The following ANKRD6 variants were observed in gnomAD, a reference collection of about 807,000 sequenced individuals.
ANKRD6 encodes ankyrin repeat domain-containing protein 6.
A neutral mutation model predicts 82.3 loss-of-function variants in ANKRD6; 56 were observed. That is an observed-to-expected ratio of 0.68 (90% CI 0.55 to 0.85). The LOEUF is 0.85. Among genes scored for constraint, ANKRD6 ranks in the 40% least tolerant of loss-of-function variants. The pLI is 0.00. For synonymous variants in ANKRD6, 347 were observed against 352.1 expected (o/e 0.99, Z 0.16); for missense variants, 852 against 907.6 (o/e 0.94, Z 0.79).
At chr6:89,565,475 A>T (rs1788304489) in intron 1 of ANKRD6, 1 of 152,236 alleles carries the variant, frequency 6.6e-6, no homozygotes, top group Non-Finnish European at 1.5e-5. Flanking sequence ...CTTTCACATA[A>T]TAAAATACCC....
chr6:89,488,673 G>T (rs528695983), intron 1 of ANKRD6, among the ~76,000 whole-genome samples: 1 of 152,178 alleles, frequency 6.6e-6, no homozygotes, highest in East Asian at 1.9e-4. Flanking sequence ...ATAATTATTG[G>T]CATTCCAAAA....
At chr6:89,484,200 G>A (rs1349640504) in intron 1 of ANKRD6, among the ~76,000 whole-genome samples, 4 of 152,122 alleles carry the variant, frequency 2.6e-5, no homozygotes, top group Non-Finnish European at 4.4e-5. Context: ...GAGCCACCGC[G>A]GCCGGCCAAG....
chr6:89,487,278 C>G (rs1237871287), intron 1 of ANKRD6, among the ~76,000 whole-genome samples: 2 of 152,186 alleles, frequency 1.3e-5, no homozygotes, highest in African/African-American at 2.4e-5. Flanking sequence ...ATCGTCTTAT[C>G]AGCACCAGCA....
At position 89,572,816 on chromosome 6, in the gene ANKRD6, C is replaced by G. The variant is rs184959355; in HGVS notation, c.120+5720C>G. Among the ~76,000 whole-genome samples, 23 of 152,284 alleles carry G rather than the reference C, an allele frequency of 1.5e-4. 1 individual carries two copies. The South Asian group carries it at 3.3e-3, about 22-fold the overall frequency. On this transcript the variant is annotated intron_variant, in intron 2 of 15. Coordinates refer to ENST00000339746, the MANE Select transcript of ANKRD6 (RefSeq NM_001242809.2). ...CGGTCTTGGTATCTTTGCTGAAGAT[C>G]ATTTGACCATATACATGAAGGTTTA...
chr6:89,560,038 GA>G (rs1787171476), intron 1 of ANKRD6, among the ~76,000 whole-genome samples: 1 of 152,142 alleles, frequency 6.6e-6, no homozygotes, highest in Admixed American at 6.5e-5. Flanking sequence ...CCGGCACCAT[GA>G]TAGGCTCTGG....
intron 1 of ANKRD6, among the ~76,000 whole-genome samples, chr6:89,496,293 C>G (rs544270395): frequency 1.3e-5 from 2 of 151,964 alleles, no homozygotes; most frequent in Admixed American, 6.6e-5. Flanking sequence ...TAGGGTACGC[C>G]GTAAGTGAGG....
intron 13 of ANKRD6, among the ~76,000 whole-genome samples, chr6:89,626,855 A>G (rs184937721): frequency 2.0e-5 from 3 of 152,220 alleles, no homozygotes; most frequent in East Asian, 1.9e-4. Context: ...TTCCTTCTAC[A>G]CTCTTCTTAC....
In ANKRD6 at chr6:89,630,943, A is replaced by G; in HGVS notation, c.2123A>G (p.His708Arg). 6.2e-7 allele frequency: 1 copy of G among 1,603,014 alleles called. No individual in the cohort carries two copies. Among genetic ancestry groups the G allele is most frequent in the Non-Finnish European group, 8.5e-7 (1 of 1,174,826 alleles). Residue 708 changes from histidine to arginine, a missense_variant, in exon 16 of 16, where the codon CAC becomes CGC. Transcript: ENST00000339746. Reference sequence around the variant, plus strand: ...CAAGATAAGGCTACATTGAAGGAACACATTAAAAGTTTAGAAGAGGAACTT... The same window carrying G: ...CAAGATAAGGCTACATTGAAGGAACGCATTAAAAGTTTAGAAGAGGAACTT... ...AQQDKATLKE[H>R]IKSLEEELAK...
chr6:89,554,522 C>T (rs1224628335), intron 1 of ANKRD6, among the ~76,000 whole-genome samples: 2 of 151,876 alleles, frequency 1.3e-5, no homozygotes, highest in Non-Finnish European at 2.9e-5. Context: ...ACCCACCATT[C>T]AGTTCACTAT....
chr6:89,601,596 A>T (rs1583632988), intron 3 of ANKRD6: 1 of 152,236 alleles, frequency 6.6e-6, no homozygotes, highest in Non-Finnish European at 1.5e-5. Context: ...ATTTTAAGAA[A>T]GCAATTTTGA....
At chr6:89,502,719 G>A (rs2127897328) in intron 1 of ANKRD6, among the ~76,000 whole-genome samples, 1 of 152,246 alleles carries the variant, frequency 6.6e-6, no homozygotes, top group African/African-American at 2.4e-5. Context: ...AGAAAATATA[G>A]CAATTAAATC....
intron 2 of ANKRD6, among the ~76,000 whole-genome samples, chr6:89,582,105 A>AT (rs1354290665): frequency 2.6e-5 from 4 of 152,224 alleles, no homozygotes; most frequent in Admixed American, 6.5e-5. Context: ...AAGTTATAAA[A>AT]TGAGCACGTG....
intron 1 of ANKRD6, among the ~76,000 whole-genome samples, chr6:89,492,798 T>C (rs1277207761): frequency 1.3e-5 from 2 of 152,178 alleles, no homozygotes; most frequent in Non-Finnish European, 2.9e-5. Flanking sequence ...TGGTACCTTT[T>C]TTTTCTTTAG....
chr6:89,587,681 C>T (rs1203815415), intron 2 of ANKRD6, among the ~76,000 whole-genome samples: 1 of 152,168 alleles, frequency 6.6e-6, no homozygotes, highest in African/African-American at 2.4e-5. Flanking sequence ...CCCTCTGCCC[C>T]CATTACATTT....
intron 2 of ANKRD6, among the ~76,000 whole-genome samples, chr6:89,584,663 A>G (rs1453690795): frequency 6.6e-6 from 1 of 152,236 alleles, no homozygotes; most frequent in Non-Finnish European, 1.5e-5. Context: ...ATTATAAACT[A>G]TGATGAAGTG....
intron 1 of ANKRD6, among the ~76,000 whole-genome samples, chr6:89,563,418 C>A (rs1787794114): frequency 6.6e-6 from 1 of 152,090 alleles, no homozygotes; most frequent in South Asian, 2.1e-4. Flanking sequence ...AGCGTGTTTG[C>A]GTTTAAGGTT....
At chr6:89,623,611 G>A (rs1804471525) in intron 11 of ANKRD6, 67 bp downstream of exon 11, 3 of 1,529,956 alleles carry the variant, frequency 2.0e-6, no homozygotes, top group Admixed American at 2.2e-5. Flanking sequence ...TCCTGGCAGA[G>A]CGTCATGCCC....
At chr6:89,459,691 T>G (rs1292682400) in intron 1 of ANKRD6, among the ~76,000 whole-genome samples, 1 of 152,104 alleles carries the variant, frequency 6.6e-6, no homozygotes, top group Admixed American at 6.5e-5. Flanking sequence ...TTTTTAGAGA[T>G]AGAGTCTTGC....
chr6:89,512,944 A>G (rs1292864553), intron 1 of ANKRD6, among the ~76,000 whole-genome samples: 1 of 150,430 alleles, frequency 6.6e-6, no homozygotes, highest in East Asian at 1.9e-4. Flanking sequence ...TTTTTTTAAG[A>G]GATAATGTCT....
Sources: gnomAD v4.1 joint callset for allele counts (sites outside exome capture counted in the v4.1 genomes callset) on GRCh38, gnomAD v4.1.1 for gene constraint, MANE v1.5 for transcripts, NCBI Gene and HGNC (gene_info 2026-07-23, HGNC 2026-07-21) for gene names.